Variants in BNC2 observed in about 807,000 individuals in gnomAD.
BNC2 encodes the protein zinc finger protein basonuclin-2.
A neutral mutation model predicts 76.3 loss-of-function variants in BNC2; 20 were observed. That is an observed-to-expected ratio of 0.26 (90% CI 0.18 to 0.38). The LOEUF is 0.38. Among genes scored for constraint, BNC2 ranks in the 10% least tolerant of loss-of-function variants. The pLI, the probability that BNC2 is intolerant of heterozygous loss-of-function variation, is 1.00. For synonymous variants in BNC2, 582 were observed against 514.8 expected (o/e 1.13, Z -1.77); for missense variants, 1,382 against 1,399.8 (o/e 0.99, Z 0.20).
At chr9:16,551,299 C>CTA (rs1469252115) in intron 5 of BNC2, among the ~76,000 whole-genome samples, 1 of 152,190 alleles carries the variant, frequency 6.6e-6, no homozygotes, top group Non-Finnish European at 1.5e-5. Flanking sequence ...TTCCCTACTT[C>CTA]TACTTTCTAT....
At chr9:16,674,932 C>T (rs541244756) in intron 3 of BNC2, among the ~76,000 whole-genome samples, 12 of 152,076 alleles carry the variant, frequency 7.9e-5, no homozygotes, top group East Asian at 1.9e-4. Context: ...GGAATATTTC[C>T]GATTCTTAAA....
At chr9:16,604,268 T>C (rs997886670) in intron 3 of BNC2, among the ~76,000 whole-genome samples, 15 of 152,158 alleles carry the variant, frequency 9.9e-5, no homozygotes, top group African/African-American at 1.9e-4. Context: ...AAACACTTTA[T>C]AAAAGAGAAG....
At chr9:16,851,069 C>G (rs541465890) in intron 1 of BNC2, among the ~76,000 whole-genome samples, 162 of 152,196 alleles carry the variant, frequency 1.1e-3, no homozygotes, top group African/African-American at 3.9e-3. Context: ...TTATTTGTAA[C>G]TGCTTATTTG....
chr9:16,444,870 G>T (rs1202277527), intron 5 of BNC2, among the ~76,000 whole-genome samples: 1 of 152,144 alleles, frequency 6.6e-6, no homozygotes, highest in African/African-American at 2.4e-5. Flanking sequence ...TCATTCTAAA[G>T]CCAGTATTTA....
intron 1 of BNC2, among the ~76,000 whole-genome samples, chr9:16,777,986 T>G (rs895103774): frequency 3.3e-5 from 5 of 152,166 alleles, no homozygotes; most frequent in African/African-American, 1.2e-4. Flanking sequence ...TAACTTCTAC[T>G]TCCAAAGCCA....
intron 1 of BNC2, among the ~76,000 whole-genome samples, chr9:16,781,459 C>G (rs952526071): frequency 1.3e-5 from 2 of 152,192 alleles, no homozygotes; most frequent in African/African-American, 4.8e-5. Context: ...TCTCCTGCCT[C>G]AGCCACCCGA....
intron 6 of BNC2, among the ~76,000 whole-genome samples, chr9:16,430,731 C>G (rs367637277): frequency 2.0e-5 from 3 of 152,162 alleles, no homozygotes; most frequent in East Asian, 1.9e-4. Context: ...ACCGCTAACC[C>G]AGAGGCCTAC....
intron 1 of BNC2, among the ~76,000 whole-genome samples, chr9:16,850,713 G>A (rs1315497902): frequency 3.9e-5 from 6 of 151,996 alleles, no homozygotes; most frequent in Admixed American, 1.3e-4. Context: ...TAGGGGGATC[G>A]CTTAAGTCCA....
At chr9:16,457,587 G>C (rs1821481779) in intron 5 of BNC2, among the ~76,000 whole-genome samples, 1 of 152,154 alleles carries the variant, frequency 6.6e-6, no homozygotes, top group African/African-American at 2.4e-5. Context: ...CTGTCTACAA[G>C]GGAAGCTCAT....
chr9:16,509,654 T>G (rs768508023), intron 5 of BNC2, among the ~76,000 whole-genome samples: 2 of 152,230 alleles, frequency 1.3e-5, no homozygotes, highest in Non-Finnish European at 2.9e-5. Flanking sequence ...TTCAAAGATC[T>G]ATTCAGTTCC....
intron 3 of BNC2, among the ~76,000 whole-genome samples, chr9:16,716,398 A>G (rs1469071253): frequency 6.6e-6 from 1 of 152,148 alleles, no homozygotes; most frequent in Non-Finnish European, 1.5e-5. Context: ...TTTACAAATG[A>G]TTATTACCTA....
intron 3 of BNC2, among the ~76,000 whole-genome samples, chr9:16,702,973 T>C (rs1238246271): frequency 6.6e-6 from 1 of 152,180 alleles, no homozygotes; most frequent in African/African-American, 2.4e-5. Context: ...CCTGGCACAA[T>C]GGGAACAGGA....
chr9:16,846,747 T>G (rs920651978), intron 1 of BNC2, among the ~76,000 whole-genome samples: 5 of 152,254 alleles, frequency 3.3e-5, no homozygotes, highest in African/African-American at 4.8e-5. Context: ...CAAATTATTT[T>G]AGACCAATCC....
chr9:16,778,518 T>G (rs1386948338), intron 1 of BNC2, among the ~76,000 whole-genome samples: 1 of 152,136 alleles, frequency 6.6e-6, no homozygotes, highest in Non-Finnish European at 1.5e-5. Flanking sequence ...GAAAGGACAA[T>G]CTATTAAGCA....
intron 4 of BNC2, among the ~76,000 whole-genome samples, chr9:16,573,530 G>C (rs1587188259): frequency 9.3e-6 from 1 of 107,102 alleles, no homozygotes; most frequent in Non-Finnish European, 1.7e-5. Context: ...GCCAGGTGTA[G>C]AGTTGCCTTT....
intron 3 of BNC2, among the ~76,000 whole-genome samples, chr9:16,606,624 A>C (rs7872747): frequency 0.18 from 27,139 of 150,900 alleles, 4,192 homozygotes; most frequent in African/African-American, 0.42. Context: ...CCTCCACCCC[A>C]CAACGTTCAA....
chr9:16,658,685 A>G (rs1217302982), intron 3 of BNC2, among the ~76,000 whole-genome samples: 2 of 152,180 alleles, frequency 1.3e-5, no homozygotes, highest in African/African-American at 2.4e-5. Flanking sequence ...CAGCATCAAT[A>G]AACAACTTGG....
chr9:16,667,355 G>C (rs2134139084), intron 3 of BNC2, among the ~76,000 whole-genome samples: 2 of 152,284 alleles, frequency 1.3e-5, no homozygotes, highest in Middle Eastern at 3.4e-3. Flanking sequence ...TCAAGCTCTT[G>C]TTAGTTCCAT....
chr9:16,851,181 T>C (rs987509301), intron 1 of BNC2, among the ~76,000 whole-genome samples: 1 of 152,220 alleles, frequency 6.6e-6, no homozygotes. Context: ...CTTCAAATGT[T>C]ATAAAATCTC....
Sources: allele counts gnomAD v4.1 joint callset (sites outside exome capture counted in the v4.1 genomes callset), GRCh38; gene constraint gnomAD v4.1.1; transcripts MANE v1.5; gene names NCBI Gene and HGNC (gene_info 2026-07-23, HGNC 2026-07-21).